The following PCDHGB6 variants were observed in gnomAD, a reference collection of about 807,000 sequenced individuals.
PCDHGB6 encodes protocadherin gamma-B6.
Under a neutral mutation model 59.1 loss-of-function variants are expected in PCDHGB6, and 51 were observed. The observed-to-expected ratio is 0.86, with a 90% CI of 0.69 to 1.09. The LOEUF is 1.09. PCDHGB6 is among the 50% of genes least tolerant of loss of function. The probability of loss-of-function intolerance (pLI) is 0.00; values close to 1 mark genes in which losing one functional copy is unlikely to be tolerated. For missense variants in PCDHGB6, 1,148 were observed against 1,205.1 expected, an observed-to-expected ratio of 0.95 and a Z score of 0.70; for synonymous variants, 466 against 495.1, an observed-to-expected ratio of 0.94 and a Z score of 0.78.
chr5:141,484,277 G>T (rs1026083889), intron 1 of PCDHGB6, among the ~76,000 whole-genome samples: 1 of 152,126 alleles, frequency 6.6e-6, no homozygotes, highest in South Asian at 2.1e-4. Context: ...TTACTGTTTT[G>T]AAACATCTCC....
chr5:141,439,162 C>T (rs1422780686), intron 1 of PCDHGB6, among the ~76,000 whole-genome samples: 1 of 149,498 alleles, frequency 6.7e-6, no homozygotes, highest in Non-Finnish European at 1.5e-5. Flanking sequence ...CACTGCACTC[C>T]AGCCTGGGCG....
At chr5:141,421,034 C>G (rs2096540283) in intron 1 of PCDHGB6, 2 of 538,266 alleles carry the variant, frequency 3.7e-6, no homozygotes, top group Non-Finnish European at 6.4e-6. Context: ...CATTGAGTCC[C>G]TCCCTCCCCC....
At chr5:141,422,714 C>T (rs2096666670) in intron 1 of PCDHGB6, 1 of 1,603,720 alleles carries the variant, frequency 6.2e-7, no homozygotes, top group South Asian at 1.1e-5. Flanking sequence ...ACGGATGACA[C>T]TGTCCAGGGG....
At position 141,485,480 on chromosome 5, in the gene PCDHGB6, A is replaced by G. The variant is rs535194185; in HGVS notation, c.2419-9327A>G. On this transcript the variant is annotated intron_variant, in intron 1 of 3. Transcript: ENST00000520790. The surrounding 1 kb of genome is among the most constrained non-coding windows in gnomAD (Gnocchi z 5.7). Reference sequence around the variant, plus strand: ...ACTGTGTGGGCTCAGTGCCAGCTGCATCGTGCCCCTGGAGTTTGTCACCGA... The same window carrying G: ...ACTGTGTGGGCTCAGTGCCAGCTGCGTCGTGCCCCTGGAGTTTGTCACCGA... The G allele has an allele frequency of 2.5e-6, 4 of 1,614,154 alleles. No individual in the cohort carries two copies. The South Asian group carries it at 3.3e-5, about 13-fold the overall frequency.
intron 1 of PCDHGB6, chr5:141,428,334 C>T: frequency 1.6e-6 from 1 of 618,848 alleles, no homozygotes; most frequent in Non-Finnish European, 2.9e-6. Flanking sequence ...TTTCTATGCT[C>T]TTCTTCCTCG....
intron 1 of PCDHGB6, among the ~76,000 whole-genome samples, chr5:141,443,191 A>G (rs2098371862): frequency 6.6e-6 from 1 of 152,122 alleles, no homozygotes; most frequent in Non-Finnish European, 1.5e-5. Flanking sequence ...CATTCTCTAT[A>G]GTACAAAGAG....
intron 1 of PCDHGB6, among the ~76,000 whole-genome samples, chr5:141,494,218 T>C (rs1224329242): frequency 1.3e-5 from 2 of 152,222 alleles, no homozygotes; most frequent in South Asian, 2.1e-4. Context: ...CAATCTGGCA[T>C]GACTCCTAAA....
chr5:141,460,951 G>GTA (rs200454978), intron 1 of PCDHGB6, among the ~76,000 whole-genome samples: 2,366 of 139,742 alleles, frequency 0.017, 20 homozygotes, highest in Middle Eastern at 0.037. Flanking sequence ...TATGTATTAT[G>GTA]TATATATATA....
rs10040701 is a variant in PCDHGB6 at position 141,508,490 on chromosome 5, A to G, written c.2567-2457A>G. ...TCTTTCTTTTACATTCTGGATTTCC[A>G]TATCTTCTCTCCCTCCTGGTCCAGC... On this transcript the variant is annotated intron_variant, in intron 3 of 3. Transcript: ENST00000520790. Among the ~76,000 whole-genome samples, 377 of 152,202 alleles carry G rather than the reference A, an allele frequency of 2.5e-3. 1 individual carries two copies. The highest frequency in any genetic ancestry group is 8.6e-3 in the African/African-American group (358 of 41,530).
intron 1 of PCDHGB6, among the ~76,000 whole-genome samples, chr5:141,482,053 C>G (rs2099551080): frequency 6.6e-6 from 1 of 150,558 alleles, no homozygotes; most frequent in Non-Finnish European, 1.5e-5. Flanking sequence ...CTGTTGCATT[C>G]CAGCCTGGGC....
In PCDHGB6 at chr5:141,511,346, C is replaced by T; in HGVS notation, c.*173C>T. 7.1e-7 allele frequency: 1 copy of T among 1,400,168 alleles called. No homozygotes were observed. The allele number at this position is 1,400,168 out of a possible 1,614,324, so 86.7% of individuals were successfully genotyped here. A position where few individuals can be genotyped will look rare whatever the true frequency, so the allele number is the denominator to read the frequency against. On this transcript the variant is annotated 3_prime_UTR_variant, in exon 4 of 4. Transcript: ENST00000520790. ...AGTGCCCAGTCAGCACCTACCCCTT[C>T]CCCCCCAGGGGGTTGAATATGCAAA...
At chr5:141,415,302 G>A in intron 1 of PCDHGB6, 3 of 1,614,212 alleles carry the variant, frequency 1.9e-6, no homozygotes, top group South Asian at 2.2e-5. Context: ...GCGTCTTCCT[G>A]GCCTTCGTCA....
chr5:141,463,466 T>G (rs1400160593), intron 1 of PCDHGB6, among the ~76,000 whole-genome samples: 2 of 142,982 alleles, frequency 1.4e-5, no homozygotes, highest in African/African-American at 5.2e-5. Context: ...TTTTTTTTTT[T>G]GAGATGGAGT....
chr5:141,415,536 G>A (rs1561758201), intron 1 of PCDHGB6: 1 of 1,614,150 alleles, frequency 6.2e-7, no homozygotes, highest in Non-Finnish European at 8.5e-7. Flanking sequence ...TCAGCCAGGA[G>A]AGCTGTGAGA....
At position 141,505,479 on chromosome 5, in the gene PCDHGB6, G is replaced by A; in HGVS notation, c.2564G>A (p.Ser855Asn). 1 of 1,614,228 alleles carries A rather than the reference G, an allele frequency of 6.2e-7. No homozygotes were observed. The highest frequency in any genetic ancestry group is 8.5e-7 in the Non-Finnish European group (1 of 1,180,018). Residue 855 changes from serine to asparagine, a missense_variant and splice_region_variant, in exon 3 of 4, where the codon AGT (serine) becomes AAT (asparagine). Ser to Asn is a conservative substitution (Grantham distance 46, BLOSUM62 1). Coordinates refer to ENST00000520790, the MANE Select transcript of PCDHGB6 (RefSeq NM_018926.3). Reference sequence around the variant, plus strand: ...CAAGCCATGATCTTGGCGTCCGCCAGTGGTAAGTGGTGTCAGTGTGTGTAT... The same window carrying A: ...CAAGCCATGATCTTGGCGTCCGCCAATGGTAAGTGGTGTCAGTGTGTGTAT... Reference protein sequence around the residue: ...MLQAMILASASEAADGSSTLG... With the variant: ...MLQAMILASANEAADGSSTLG...
chr5:141,422,272 A>T, intron 1 of PCDHGB6: 13 of 1,561,362 alleles, frequency 8.3e-6, no homozygotes, highest in Non-Finnish European at 1.1e-5. Context: ...TCCAGAAATA[A>T]CTATCACCTC....
chr5:141,431,225 C>A lies in PCDHGB6; in HGVS notation c.2418+20605C>A. On this transcript the variant is annotated intron_variant, in intron 1 of 3. Coordinates refer to ENST00000520790, the MANE Select transcript of PCDHGB6 (RefSeq NM_018926.3). The surrounding 1 kb of genome is among the most constrained non-coding windows in gnomAD (Gnocchi z 4.8). ...CACTGAGATGCGGTTCCCTCTACCC[C>A]ACGCCTGGGATCCGGATATCGGGAA... The A allele has an allele frequency of 1.2e-6, 2 of 1,614,118 alleles. No individual in the cohort carries two copies. The highest frequency in any genetic ancestry group is 1.7e-6 in the Non-Finnish European group (2 of 1,180,036).
At position 141,415,832 on chromosome 5, in the gene PCDHGB6, T is replaced by C. The variant is rs995620508; in HGVS notation, c.2418+5212T>C. On this transcript the variant is annotated intron_variant, in intron 1 of 3. Coordinates refer to ENST00000520790, the MANE Select transcript of PCDHGB6 (RefSeq NM_018926.3). ...GCCTATATATCATAAGGCTTTGTTA[T>C]GATTAGCTTTGCAGAACCTTGTAGT... 33 of 1,310,754 alleles carry C rather than the reference T, an allele frequency of 2.5e-5. No individual in the cohort carries two copies. The African/African-American group carries it at 4.7e-4, about 19-fold the overall frequency. 81.2% of individuals were successfully genotyped at this position (1,310,754 alleles called of 1,614,324 possible).
intron 1 of PCDHGB6, chr5:141,427,649 C>T (rs1283312654): frequency 1.4e-6 from 1 of 717,274 alleles, no homozygotes; most frequent in East Asian, 2.7e-5. Context: ...AAGTCTCCTA[C>T]GTGGTCCACG....
Sources: allele counts gnomAD v4.1 joint callset (sites outside exome capture counted in the v4.1 genomes callset), GRCh38; gene constraint gnomAD v4.1.1; non-coding constraint Gnocchi (gnomAD v3.1); transcripts MANE v1.5; gene names NCBI Gene and HGNC (gene_info 2026-07-23, HGNC 2026-07-21).